JDP2: variants seen among roughly 807,000 people sequenced by gnomAD.
The protein encoded by JDP2 is Jun dimerization protein 2.
JDP2 carries 9 observed loss-of-function variants against 17.1 expected under a neutral mutation model. The ratio of observed to expected loss-of-function variants is 0.53; its 90% CI spans 0.32 to 0.92. JDP2 has a LOEUF of 0.92. JDP2 is among the 40% of genes least tolerant of loss of function. JDP2 has a pLI of 0.04. For missense variants in JDP2, 179 were observed against 220.0 expected (o/e 0.81, Z 1.18); for synonymous variants, 107 against 95.6 (o/e 1.12, Z -0.69).
intron 2 of JDP2, among the ~76,000 whole-genome samples, chr14:75,452,828 G>C (rs943809216): frequency 1.3e-5 from 2 of 152,154 alleles, no homozygotes; most frequent in African/African-American, 2.4e-5. Flanking sequence ...CCCAGCCTTA[G>C]ACTGACCATT....
chr14:75,453,294 A>C (rs1885951018), intron 2 of JDP2, among the ~76,000 whole-genome samples: 1 of 151,926 alleles, frequency 6.6e-6, no homozygotes, highest in Non-Finnish European at 1.5e-5. Flanking sequence ...CTGGTGTTGA[A>C]ATGTGGCTCC....
chr14:75,451,564 G>T (rs1447043275), intron 2 of JDP2, among the ~76,000 whole-genome samples: 2 of 152,190 alleles, frequency 1.3e-5, no homozygotes, highest in Non-Finnish European at 2.9e-5. Context: ...GAGATCCACA[G>T]GCCGTGCGTA....
At chr14:75,435,484 A>G (rs948944521) in intron 1 of JDP2, among the ~76,000 whole-genome samples, 1 of 152,128 alleles carries the variant, frequency 6.6e-6, no homozygotes, top group Non-Finnish European at 1.5e-5. Context: ...CCACCGTGAG[A>G]AAGTCATTCC....
chr14:75,459,418 G>A (rs190287298), intron 2 of JDP2, among the ~76,000 whole-genome samples: 185 of 152,278 alleles, frequency 1.2e-3, no homozygotes, highest in Admixed American at 3.5e-3. Context: ...TTGACGAGGC[G>A]CCTCTGCAGC....
In JDP2 at chr14:75,432,923, C is replaced by T. The variant is rs544116700; in HGVS notation, c.-24+4671C>T. On this transcript the variant is annotated intron_variant, in intron 1 of 3. Coordinates refer to ENST00000651602, the MANE Select transcript of JDP2 (RefSeq NM_001135048.2). ...TTCCATTAAAAAAAGATTTAAGGACCGGGCACGGTGGCTCACGCCCGTAAT... is the reference window on the plus strand; with the variant it reads ...TTCCATTAAAAAAAGATTTAAGGACTGGGCACGGTGGCTCACGCCCGTAAT... 7.2e-5 allele frequency among the ~76,000 whole-genome samples: 11 copies of T among 152,022 alleles called. No individual in the cohort carries two copies. The East Asian group carries it at 1.4e-3, about 19-fold the overall frequency.
intron 1 of JDP2, among the ~76,000 whole-genome samples, chr14:75,434,966 C>T (rs1266898024): frequency 3.3e-5 from 5 of 152,220 alleles, no homozygotes; most frequent in East Asian, 1.9e-4. Context: ...ATGCTTTCTG[C>T]GCCAGAAATG....
chr14:75,448,567 G>A (rs1014225276), intron 2 of JDP2, among the ~76,000 whole-genome samples: 2 of 152,314 alleles, frequency 1.3e-5, no homozygotes, highest in Admixed American at 6.5e-5. Flanking sequence ...TAATGCTTAT[G>A]GTTCCCCGAA....
At position 75,437,929 on chromosome 14, in the gene JDP2, T is replaced by C. The variant is rs1356775055; in HGVS notation, c.9T>C (p.Pro3=). The C allele has an allele frequency of 2.5e-6, 4 of 1,609,548 alleles. No homozygotes were observed. The highest frequency in any genetic ancestry group is 3.4e-6 in the Non-Finnish European group (4 of 1,178,152). The part of the protein sequence containing the change: MM[P]GQIPDPSVTT... The stretch of plus-strand genomic sequence containing the variant: ...CTGCCACTCCTCCTGCTATGATGCC[T>C]GGGCAGATCCCGGACCCTTCGGTGA... The change falls in exon 2 of 4, where the codon CCT becomes CCC. Residue 3 remains proline, a synonymous_variant. Coordinates refer to ENST00000651602, the MANE Select transcript of JDP2 (RefSeq NM_001135048.2).
At chr14:75,457,540 C>G (rs1256884151) in intron 2 of JDP2, among the ~76,000 whole-genome samples, 1 of 152,192 alleles carries the variant, frequency 6.6e-6, no homozygotes, top group Non-Finnish European at 1.5e-5. Flanking sequence ...AGCACAGTTT[C>G]AATGGGGAAG....
rs745844257 is a variant in JDP2, at chr14:75,469,355, G to A, written c.372G>A (p.Glu124=). The A allele has an allele frequency of 8.1e-6, 13 of 1,614,180 alleles. No homozygotes were observed. The East Asian group carries it at 2.9e-4, about 36-fold the overall frequency. Reference sequence around the variant, plus strand: ...CCCAGATTGAGGAGCTGAAGCAGGAGCGGCAGCAGCTCATCCTGATGCTGA... The same window carrying A: ...CCCAGATTGAGGAGCTGAAGCAGGAACGGCAGCAGCTCATCCTGATGCTGA... ...LKTQIEELKQ[E]RQQLILMLNR... is the part of the protein sequence containing the mutation. The change falls in exon 4 of 4, where the codon GAG becomes GAA. Residue 124 remains glutamate, a synonymous_variant. Transcript: ENST00000651602.
chr14:75,450,988 A>G (rs1159394159), intron 2 of JDP2, among the ~76,000 whole-genome samples: 1 of 152,180 alleles, frequency 6.6e-6, no homozygotes, highest in Non-Finnish European at 1.5e-5. Flanking sequence ...CATGAGAAGT[A>G]AGCCAAGGGG....
intron 2 of JDP2, 104 bp downstream of exon 2, chr14:75,438,225 C>G: frequency 1.2e-6 from 1 of 860,430 alleles, no homozygotes; most frequent in Non-Finnish European, 1.8e-6. Flanking sequence ...CAGTATCATC[C>G]GTACCACCCT....
intron 2 of JDP2, among the ~76,000 whole-genome samples, chr14:75,447,731 C>T (rs532730237): frequency 1.3e-5 from 2 of 152,168 alleles, no homozygotes; most frequent in East Asian, 3.9e-4. Flanking sequence ...GATCTCGGCT[C>T]ACTGCAACCT....
chr14:75,431,990 G>A, intron 1 of JDP2: 1 of 426,554 alleles, frequency 2.3e-6, no homozygotes, highest in Non-Finnish European at 4.2e-6. Flanking sequence ...GGAAAGAGAG[G>A]CACAGAGAGG....
chr14:75,437,323 C>T (rs191109158), intron 1 of JDP2, among the ~76,000 whole-genome samples: 295 of 152,310 alleles, frequency 1.9e-3, no homozygotes, highest in African/African-American at 6.7e-3. Flanking sequence ...GCTTCATCTC[C>T]TACTCAGGGT....
intron 3 of JDP2, among the ~76,000 whole-genome samples, 168 bp from the exon 4 acceptor site, chr14:75,469,122 G>A (rs577028069): frequency 2.0e-5 from 3 of 152,368 alleles, no homozygotes; most frequent in African/African-American, 7.2e-5. Flanking sequence ...GGCAGGCACT[G>A]CCTGCAGAAA....
upstream of JDP2, chr14:75,427,336 T>A (rs1286093994): frequency 1.1e-4 from 17 of 152,408 alleles, no homozygotes; most frequent in Admixed American, 1.1e-3. This position sits in a 1 kb window ranked among gnomAD's most constrained non-coding sequence, Gnocchi z 4.4. Context: ...GTCAGGCTGG[T>A]GCAGCCAGCC....
At chr14:75,452,877 C>T (rs996993082) in intron 2 of JDP2, among the ~76,000 whole-genome samples, 1 of 152,220 alleles carries the variant, frequency 6.6e-6, no homozygotes, top group Non-Finnish European at 1.5e-5. Flanking sequence ...CCGCTGTTCA[C>T]TGAAACAGCT....
intron 2 of JDP2, chr14:75,445,812 T>C (rs1477146120): frequency 6.2e-6 from 1 of 161,070 alleles, no homozygotes; most frequent in Non-Finnish European, 1.3e-5. Flanking sequence ...AAAAAATAAA[T>C]TGGACATCTT....
Sources: allele counts gnomAD v4.1 joint callset (sites outside exome capture counted in the v4.1 genomes callset), GRCh38; gene constraint gnomAD v4.1.1; non-coding constraint Gnocchi (gnomAD v3.1); transcripts MANE v1.5; gene names NCBI Gene and HGNC (gene_info 2026-07-23, HGNC 2026-07-21).